Variants in LRRTM4 observed in about 807,000 individuals in gnomAD.
LRRTM4 encodes the protein leucine rich repeat transmembrane neuronal 4, also known as leucine-rich repeat transmembrane neuronal protein 4.
In LRRTM4, 25 loss-of-function variants were observed where a neutral mutation model predicts 47.6. That is an observed-to-expected ratio of 0.53 (90% CI 0.38 to 0.73). The LOEUF is 0.73. Ranked by LOEUF, LRRTM4 falls within the 30% of genes least tolerant of loss-of-function variation. LRRTM4 has a pLI of 0.00. For missense variants in LRRTM4, 638 were observed against 713.4 expected, an observed-to-expected ratio of 0.89 and a Z score of 1.20; for synonymous variants, 311 against 269.5, an observed-to-expected ratio of 1.15 and a Z score of -1.51.
At chr2:77,417,474 A>C (rs1014834120) in intron 3 of LRRTM4, among the ~76,000 whole-genome samples, 16 of 152,162 alleles carry the variant, frequency 1.1e-4, no homozygotes, top group Non-Finnish European at 1.9e-4. Context: ...TCACAATAGC[A>C]AAGACTCGGA....
intron 3 of LRRTM4, among the ~76,000 whole-genome samples, chr2:77,068,879 C>A (rs192390308): frequency 4.2e-4 from 64 of 151,942 alleles, no homozygotes; most frequent in African/African-American, 1.5e-3. Flanking sequence ...GCAAGGAACA[C>A]CTGGACCTCC....
intron 3 of LRRTM4, among the ~76,000 whole-genome samples, chr2:77,183,883 G>A (rs1466452051): frequency 1.3e-5 from 2 of 152,250 alleles, no homozygotes; most frequent in East Asian, 1.9e-4. Flanking sequence ...ATTGAACAAT[G>A]AGAACACATG....
In LRRTM4 at chr2:76,819,417, A is replaced by G. The variant is rs1490829402; in HGVS notation, c.1552-70501T>C. On this transcript the variant is annotated intron_variant, in intron 3 of 3. Transcript: ENST00000409884. The stretch of plus-strand genomic sequence containing the variant: ...GTGGTCAAAATAGCAAAACATAGCA[A>G]AAGAAACCTAGAAACTAAGAAAGAG... Among the ~76,000 whole-genome samples the G allele has an allele frequency of 3.3e-5, 5 of 151,774 alleles. No homozygotes were observed. In the East Asian group the frequency reaches 9.7e-4, roughly 29 times the overall value.
Position 77,283,316 on chromosome 2 carries a change from C to CA in LRRTM4, c.1551+235001dup, listed in dbSNP as rs554394069. 1.8e-4 allele frequency among the ~76,000 whole-genome samples: 28 copies of CA among 151,786 alleles called. No homozygotes were observed. The East Asian group carries it at 4.7e-3, about 25-fold the overall frequency. On this transcript the variant is annotated intron_variant, in intron 3 of 3. Transcript: ENST00000409884. Reference sequence around the variant, plus strand: ...AGTCAGAATGGCTATTATAAAAAGTCAAAAAACAAGAGATTCTGGTGGGGC... The same window carrying CA: ...AGTCAGAATGGCTATTATAAAAAGTCAAAAAAACAAGAGATTCTGGTGGGGC...
intron 3 of LRRTM4, among the ~76,000 whole-genome samples, chr2:77,024,501 A>C (rs1228588051): frequency 1.3e-5 from 2 of 152,022 alleles, no homozygotes; most frequent in Non-Finnish European, 2.9e-5. Flanking sequence ...GAATTAAAAA[A>C]AAAAAAAAGG....
At position 76,798,090 on chromosome 2, in the gene LRRTM4, G is replaced by C. The variant is rs139181778; in HGVS notation, c.1552-49174C>G. ...CCCAGGAATTGAACTCAGCTCTGCA[G>C]CAAGCAGACCTAATAGACATCTACT... On this transcript the variant is annotated intron_variant, in intron 3 of 3. Coordinates refer to ENST00000409884, the MANE Select transcript of LRRTM4 (RefSeq NM_001134745.3). Among the ~76,000 whole-genome samples, 1,271 of 150,052 alleles carry C rather than the reference G, an allele frequency of 8.5e-3. 18 individuals carry two copies. Among genetic ancestry groups the C allele is most frequent in the African/African-American group, 0.029 (1,145 of 39,692 alleles).
chr2:76,762,858 T>C (rs1673307039), intron 3 of LRRTM4, among the ~76,000 whole-genome samples: 1 of 152,156 alleles, frequency 6.6e-6, no homozygotes, highest in Non-Finnish European at 1.5e-5. Flanking sequence ...AAAACAGTGT[T>C]TATGTCATGT....
At chr2:77,507,870 G>A (rs76030648) in intron 3 of LRRTM4, among the ~76,000 whole-genome samples, 17 of 152,124 alleles carry the variant, frequency 1.1e-4, no homozygotes, top group African/African-American at 3.9e-4. Flanking sequence ...TTACCATGAC[G>A]ACAGCAAAGT....
intron 3 of LRRTM4, among the ~76,000 whole-genome samples, chr2:76,934,905 A>G (rs1674890222): frequency 6.6e-6 from 1 of 152,170 alleles, no homozygotes; most frequent in South Asian, 2.1e-4. Context: ...CTAGTTTATG[A>G]TTAAAGTAAA....
chr2:77,027,961 T>A (rs1027214059), intron 3 of LRRTM4, among the ~76,000 whole-genome samples: 2 of 145,436 alleles, frequency 1.4e-5, no homozygotes, highest in African/African-American at 2.5e-5. Flanking sequence ...TTCTCTCTTA[T>A]CTAGTATTTG....
intron 3 of LRRTM4, among the ~76,000 whole-genome samples, chr2:77,063,160 A>T (rs1679846135): frequency 6.6e-6 from 1 of 151,722 alleles, no homozygotes; most frequent in Non-Finnish European, 1.5e-5. Flanking sequence ...GGGTTTCACC[A>T]TATTGGCCAG....
chr2:77,370,472 T>C (rs1672618440), intron 3 of LRRTM4, among the ~76,000 whole-genome samples: 1 of 151,706 alleles, frequency 6.6e-6, no homozygotes, highest in African/African-American at 2.4e-5. Flanking sequence ...AAATAGAGCA[T>C]TGTTTCATTT....
chr2:76,758,770 T>C (rs1348744965), intron 3 of LRRTM4, among the ~76,000 whole-genome samples: 2 of 152,178 alleles, frequency 1.3e-5, no homozygotes, highest in African/African-American at 4.8e-5. Flanking sequence ...ATTCATTTCA[T>C]TATTCACATG....
At chr2:77,504,820 C>T (rs1327026953) in intron 3 of LRRTM4, among the ~76,000 whole-genome samples, 1 of 151,356 alleles carries the variant, frequency 6.6e-6, no homozygotes, top group East Asian at 1.9e-4. Flanking sequence ...GTTATACATG[C>T]TAAATTTTCA....
At chr2:76,765,593 T>G (rs1175979584) in intron 3 of LRRTM4, among the ~76,000 whole-genome samples, 1 of 152,182 alleles carries the variant, frequency 6.6e-6, no homozygotes, top group Admixed American at 6.5e-5. Flanking sequence ...TCTCCCTTTT[T>G]CTCTTTCCCC....
intron 3 of LRRTM4, among the ~76,000 whole-genome samples, chr2:76,976,740 T>C (rs1362903218): frequency 6.6e-6 from 1 of 151,862 alleles, no homozygotes; most frequent in Admixed American, 6.6e-5. Context: ...AAGTGACAGC[T>C]GGATGGGAGG....
At chr2:77,227,710 A>G (rs1225311392) in intron 3 of LRRTM4, among the ~76,000 whole-genome samples, 1 of 152,094 alleles carries the variant, frequency 6.6e-6, no homozygotes, top group Non-Finnish European at 1.5e-5. Context: ...CAACATTTTA[A>G]ATACAGATTA....
chr2:77,201,963 T>C (rs1673988441), intron 3 of LRRTM4, among the ~76,000 whole-genome samples: 1 of 152,126 alleles, frequency 6.6e-6, no homozygotes. Context: ...AACTAAAAGA[T>C]GAGCTCATGT....
chr2:77,421,630 C>T (rs902392285), intron 3 of LRRTM4, among the ~76,000 whole-genome samples: 1 of 151,952 alleles, frequency 6.6e-6, no homozygotes, highest in African/African-American at 2.4e-5. Context: ...TGGCGTGAAC[C>T]CGGGAGGCGG....
Sources: allele counts gnomAD v4.1 joint callset (sites outside exome capture counted in the v4.1 genomes callset), GRCh38; gene constraint gnomAD v4.1.1; transcripts MANE v1.5; gene names NCBI Gene and HGNC (gene_info 2026-07-23, HGNC 2026-07-21).